The following IRAK2 variants were observed in gnomAD, a reference collection of about 807,000 sequenced individuals.
IRAK2 encodes interleukin 1 receptor associated kinase 2, also known as interleukin-1 receptor-associated kinase-like 2.
In IRAK2, 57 loss-of-function variants were observed where a neutral mutation model predicts 72.0. The observed-to-expected ratio is 0.79, with a 90% CI of 0.64 to 0.99. The LOEUF (loss-of-function observed/expected upper bound fraction) is 0.99, where lower values mean the gene tolerates loss of function less well. IRAK2 is among the 50% of genes least tolerant of loss of function. IRAK2 has a pLI of 0.00. For synonymous variants in IRAK2, 293 were observed against 312.7 expected, an observed-to-expected ratio of 0.94 and a Z score of 0.67; for missense variants, 790 against 794.4, an observed-to-expected ratio of 0.99 and a Z score of 0.07.
At chr3:10,214,495 T>C (rs2125156627) in intron 6 of IRAK2, among the ~76,000 whole-genome samples, 1 of 146,512 alleles carries the variant, frequency 6.8e-6, no homozygotes, top group South Asian at 2.2e-4. Context: ...CCTCCCAAGA[T>C]GTTGGGATTA....
At position 10,234,452 on chromosome 3, in the gene IRAK2, C is replaced by G. The variant is rs1402163027; in HGVS notation, c.1273-7C>G. 3 of 1,612,626 alleles carry G rather than the reference C, an allele frequency of 1.9e-6. No homozygotes were observed. Among genetic ancestry groups the G allele is most frequent in the African/African-American group, 1.3e-5 (1 of 75,024 alleles). ...ACGCAAGGGCGTTTCTACCCTTCTT[C>G]CCACAGAAGGACTTACTCCTCAGTG... is the stretch of plus-strand genomic sequence containing the variant. On this transcript the variant is annotated splice_polypyrimidine_tract_variant and splice_region_variant and intron_variant, in intron 10 of 12. Coordinates refer to ENST00000256458, the MANE Select transcript of IRAK2 (RefSeq NM_001570.4).
intron 2 of IRAK2, among the ~76,000 whole-genome samples, chr3:10,183,247 A>G (rs1336195903): frequency 6.6e-6 from 1 of 152,184 alleles, no homozygotes; most frequent in African/African-American, 2.4e-5. Flanking sequence ...ACTCAGTGGT[A>G]CGACAGGGGC....
In IRAK2 at chr3:10,226,407, G is replaced by T. The variant is rs1394658126; in HGVS notation, c.1246G>T (p.Asp416Tyr). ...GGTCCTCACGGGCATCCCTGCAATG[G>T]ATAACAACCGAAGCCCGGTTTACCT... ...AEVLTGIPAM[D>Y]NNRSPVYLKD... Residue 416 changes from aspartate (D) to tyrosine (Y), a missense_variant, in exon 10 of 13, where the codon GAT (aspartate) becomes TAT (tyrosine). Coordinates refer to ENST00000256458, the MANE Select transcript of IRAK2 (RefSeq NM_001570.4). 6.2e-7 allele frequency: 1 copy of T among 1,613,556 alleles called. No homozygotes were observed. The highest frequency in any genetic ancestry group is 8.5e-7 in the Non-Finnish European group (1 of 1,179,838).
chr3:10,190,771 C>T lies in IRAK2; in HGVS notation c.278-9598C>T, dbSNP rs115178456. Among the ~76,000 whole-genome samples, 162 of 152,276 alleles carry T rather than the reference C, an allele frequency of 1.1e-3. 2 individuals are homozygous for T. The highest frequency in any genetic ancestry group is 3.4e-3 in the African/African-American group (140 of 41,558). Reference sequence around the variant, plus strand: ...AGCCAGGATAGGCTTGGTTATGCTGCGGTATCAGATAAACCTTGAAATCTA... The same window carrying T: ...AGCCAGGATAGGCTTGGTTATGCTGTGGTATCAGATAAACCTTGAAATCTA... On this transcript the variant is annotated intron_variant, in intron 2 of 12. Transcript: ENST00000256458.
intron 3 of IRAK2, among the ~76,000 whole-genome samples, chr3:10,200,819 C>T (rs1021479635): frequency 2.0e-5 from 3 of 152,172 alleles, no homozygotes; most frequent in Admixed American, 6.5e-5. Flanking sequence ...GGGGATTGCT[C>T]GAGCCCAGGA....
intron 7 of IRAK2, among the ~76,000 whole-genome samples, chr3:10,218,348 C>T (rs534718654): frequency 1.2e-4 from 18 of 146,844 alleles, no homozygotes; most frequent in Admixed American, 7.8e-4. Flanking sequence ...CACTTGAACC[C>T]GGGAGGCAGA....
intron 7 of IRAK2, among the ~76,000 whole-genome samples, chr3:10,218,156 G>A (rs1173653919): frequency 6.6e-6 from 1 of 152,200 alleles, no homozygotes; most frequent in East Asian, 1.9e-4. Context: ...GGGCACAGTG[G>A]CTCACGCCTG....
chr3:10,233,074 G>T (rs1697882130), intron 10 of IRAK2, among the ~76,000 whole-genome samples: 1 of 152,060 alleles, frequency 6.6e-6, no homozygotes, highest in Admixed American at 6.6e-5. Flanking sequence ...TTTTGAGACG[G>T]AGTCTCACTC....
At chr3:10,240,173 C>T (rs1460273345) in intron 12 of IRAK2, among the ~76,000 whole-genome samples, 1 of 147,594 alleles carries the variant, frequency 6.8e-6, no homozygotes, top group Non-Finnish European at 1.5e-5. Flanking sequence ...AAGATACTTT[C>T]TGGCTGGGCG....
intron 1 of IRAK2, among the ~76,000 whole-genome samples, chr3:10,175,001 G>C (rs948297275): frequency 7.9e-5 from 12 of 151,842 alleles, no homozygotes; most frequent in African/African-American, 2.9e-4. Flanking sequence ...TGAGGTGGGA[G>C]GATTGCTTGA....
rs1337635283 is a variant in IRAK2 at position 10,234,468 on chromosome 3, C to T, written c.1282C>T (p.Leu428Phe). The change falls in exon 11 of 13, where the codon CTC becomes TTC. Residue 428 changes from leucine to phenylalanine, a missense_variant. By Grantham distance (22) the Leu-to-Phe change is conservative (BLOSUM62 0). Coordinates refer to ENST00000256458, the MANE Select transcript of IRAK2 (RefSeq NM_001570.4). ...ACCCTTCTTCCCACAGAAGGACTTA[C>T]TCCTCAGTGATATTCCAAGCAGCAC... The part of the protein sequence containing the change: ...NRSPVYLKDL[L>F]LSDIPSSTAS... 4.3e-6 allele frequency: 7 copies of T among 1,614,076 alleles called. No homozygotes were observed. Among genetic ancestry groups the T allele is most frequent in the Non-Finnish European group, 5.9e-6 (7 of 1,179,926 alleles).
At chr3:10,209,489 G>A in intron 3 of IRAK2, 100 bp from the exon 4 acceptor site, 1 of 659,094 alleles carries the variant, frequency 1.5e-6, no homozygotes, top group Non-Finnish European at 2.4e-6. Context: ...CAAGTGTTTG[G>A]GGAGTGAACA....
chr3:10,240,147 CAAAA>C (rs34730585), intron 12 of IRAK2, among the ~76,000 whole-genome samples: 1 of 132,724 alleles, frequency 7.5e-6, no homozygotes, highest in Non-Finnish European at 1.6e-5. Flanking sequence ...GACTCCGTCT[CAAAA>C]AAAAAAAAAA....
chr3:10,200,755 C>G (rs557757676), intron 3 of IRAK2, among the ~76,000 whole-genome samples: 2 of 152,118 alleles, frequency 1.3e-5, no homozygotes, highest in African/African-American at 4.8e-5. Context: ...AAAAAATCAT[C>G]CAGGCATGGT....
intron 2 of IRAK2, among the ~76,000 whole-genome samples, chr3:10,194,713 G>A (rs1175561853): frequency 6.6e-6 from 1 of 152,152 alleles, no homozygotes; most frequent in East Asian, 1.9e-4. Flanking sequence ...GCATGGGCCT[G>A]CCTGTCCACC....
intron 2 of IRAK2, among the ~76,000 whole-genome samples, chr3:10,183,513 C>A (rs1238084589): frequency 6.6e-6 from 1 of 152,126 alleles, no homozygotes; most frequent in South Asian, 2.1e-4. Context: ...GTCAGGAGAT[C>A]GAGACCATCC....
At chr3:10,226,306 A>C (rs949326828) in intron 9 of IRAK2, 65 bp from the exon 10 acceptor site, 43 of 1,357,952 alleles carry the variant, frequency 3.2e-5, no homozygotes, top group African/African-American at 4.3e-5. Flanking sequence ...GAGAAGACAG[A>C]ATCTGCTGCC....
At chr3:10,226,329 C>G in intron 9 of IRAK2, 42 bp from the exon 10 acceptor site, 1 of 1,536,196 alleles carries the variant, frequency 6.5e-7, no homozygotes, top group Non-Finnish European at 9.0e-7. Flanking sequence ...GCTGTGTGCA[C>G]GAGCGTCTGA....
intron 2 of IRAK2, among the ~76,000 whole-genome samples, chr3:10,185,992 G>C (rs929484754): frequency 1.3e-5 from 2 of 151,584 alleles, no homozygotes; most frequent in African/African-American, 4.9e-5. Flanking sequence ...GGCAGAGATT[G>C]TTGGGAGGCA....
Sources: allele counts gnomAD v4.1 joint callset (sites outside exome capture counted in the v4.1 genomes callset), GRCh38; gene constraint gnomAD v4.1.1; transcripts MANE v1.5; gene names NCBI Gene and HGNC (gene_info 2026-07-23, HGNC 2026-07-21).